The following ZMAT4 variants were observed in gnomAD, a reference collection of about 807,000 sequenced individuals.
ZMAT4 encodes the protein zinc finger matrin-type protein 4.
Under a neutral mutation model 28.7 loss-of-function variants are expected in ZMAT4, and 17 were observed. The ratio of observed to expected loss-of-function variants is 0.59; its 90% CI spans 0.41 to 0.89. The LOEUF (loss-of-function observed/expected upper bound fraction) is 0.89, where lower values mean the gene tolerates loss of function less well. Among genes scored for constraint, ZMAT4 ranks in the 40% least tolerant of loss-of-function variants. The probability of loss-of-function intolerance (pLI) is 0.00; values close to 1 mark genes in which losing one functional copy is unlikely to be tolerated. For missense variants in ZMAT4, 240 were observed against 283.8 expected (o/e 0.85, Z 1.11); for synonymous variants, 117 against 109.2 (o/e 1.07, Z -0.44).
At chr8:40,689,662 G>T (rs1422858356) in intron 4 of ZMAT4, among the ~76,000 whole-genome samples, 2 of 151,828 alleles carry the variant, frequency 1.3e-5, no homozygotes, top group Non-Finnish European at 2.9e-5. Context: ...ATCTTTAATA[G>T]ATGATTCAGG....
intron 3 of ZMAT4, among the ~76,000 whole-genome samples, chr8:40,721,211 G>T (rs1230181651): frequency 2.1e-5 from 3 of 145,368 alleles, no homozygotes; most frequent in African/African-American, 7.8e-5. Flanking sequence ...TCCCACCTAT[G>T]AGTGAGAATA....
chr8:40,591,611 G>GA (rs140623217), intron 5 of ZMAT4, among the ~76,000 whole-genome samples: 1 of 151,994 alleles, frequency 6.6e-6, no homozygotes, highest in South Asian at 2.1e-4. Context: ...AAAAGATGCA[G>GA]AAAAAACAGC....
intron 5 of ZMAT4, among the ~76,000 whole-genome samples, chr8:40,646,609 T>C (rs1807328488): frequency 6.6e-6 from 1 of 152,184 alleles, no homozygotes; most frequent in Non-Finnish European, 1.5e-5. Context: ...TTAATTTGTC[T>C]AGAGGCAAAT....
intron 3 of ZMAT4, among the ~76,000 whole-genome samples, chr8:40,716,678 C>T (rs10095063): frequency 0.45 from 68,322 of 151,852 alleles, 15,758 homozygotes; most frequent in Non-Finnish European, 0.48. Context: ...GGCGACAGAA[C>T]GAGACTGTCT....
chr8:40,866,460 A>C (rs554164632), intron 1 of ZMAT4, among the ~76,000 whole-genome samples: 13 of 152,258 alleles, frequency 8.5e-5, no homozygotes, highest in Non-Finnish European at 1.6e-4. Context: ...CAAACCAAGC[A>C]AAAATCACTT....
At chr8:40,810,322 T>C (rs2150595601) in intron 2 of ZMAT4, among the ~76,000 whole-genome samples, 1 of 152,320 alleles carries the variant, frequency 6.6e-6, no homozygotes, top group South Asian at 2.1e-4. Flanking sequence ...ATACGTGATT[T>C]GTCCCTCTCA....
intron 1 of ZMAT4, among the ~76,000 whole-genome samples, chr8:40,837,249 TC>T: frequency 6.6e-6 from 1 of 152,304 alleles, no homozygotes; most frequent in South Asian, 2.1e-4. Context: ...TGATCTAACC[TC>T]CTCTCCTTCT....
intron 4 of ZMAT4, among the ~76,000 whole-genome samples, chr8:40,690,134 C>T (rs1424766740): frequency 6.6e-6 from 1 of 152,186 alleles, no homozygotes; most frequent in Non-Finnish European, 1.5e-5. Context: ...AAGAATTCAG[C>T]TTACCTCACA....
chr8:40,719,336 G>A (rs1810982920), intron 3 of ZMAT4, among the ~76,000 whole-genome samples: 1 of 152,088 alleles, frequency 6.6e-6, no homozygotes, highest in African/African-American at 2.4e-5. Context: ...CCAGCTACTT[G>A]GGGGCTGAGG....
chr8:40,746,246 T>A (rs1343303773), intron 3 of ZMAT4, among the ~76,000 whole-genome samples: 1 of 53,702 alleles, frequency 1.9e-5, no homozygotes, highest in South Asian at 9.6e-4. Flanking sequence ...CCTCCCTCCC[T>A]CCCTCCCTCC....
At chr8:40,616,170 A>G (rs1022666871) in intron 5 of ZMAT4, among the ~76,000 whole-genome samples, 2 of 152,248 alleles carry the variant, frequency 1.3e-5, no homozygotes, top group African/African-American at 4.8e-5. Context: ...AGAAATGCAA[A>G]TCAAAACCAC....
chr8:40,798,670 T>C (rs963348282), intron 2 of ZMAT4, among the ~76,000 whole-genome samples: 4 of 152,198 alleles, frequency 2.6e-5, no homozygotes, highest in African/African-American at 9.7e-5. Flanking sequence ...ACAAAGTGGA[T>C]AATTCTTACC....
At chr8:40,714,865 A>G (rs1205365883) in intron 3 of ZMAT4, among the ~76,000 whole-genome samples, 1 of 152,006 alleles carries the variant, frequency 6.6e-6, no homozygotes, top group Non-Finnish European at 1.5e-5. Flanking sequence ...CCTGGCCAAC[A>G]TGGTGAAATC....
chr8:40,808,715 G>GA (rs899822423), intron 2 of ZMAT4: 1,092 of 220,090 alleles, frequency 5.0e-3, no homozygotes, highest in South Asian at 0.012. Context: ...TGAAGAGGAA[G>GA]AAAAAAAAAA....
chr8:40,800,860 T>A (rs1018714434), intron 2 of ZMAT4, among the ~76,000 whole-genome samples: 3 of 151,862 alleles, frequency 2.0e-5, no homozygotes, highest in Non-Finnish European at 4.4e-5. Context: ...AGAAAAAAAT[T>A]AAATTCAAAG....
chr8:40,552,406 C>T (rs1803393746), intron 6 of ZMAT4, among the ~76,000 whole-genome samples: 1 of 152,150 alleles, frequency 6.6e-6, no homozygotes, highest in Admixed American at 6.5e-5. Context: ...CAGTTGGTCC[C>T]CTTCCCTTAT....
chr8:40,854,675 G>A (rs1374807928), intron 1 of ZMAT4, among the ~76,000 whole-genome samples: 2 of 152,120 alleles, frequency 1.3e-5, no homozygotes, highest in Non-Finnish European at 2.9e-5. Flanking sequence ...CAAGGTCTCA[G>A]CCCACAGCCT....
chr8:40,800,137 T>A (rs62643261), intron 2 of ZMAT4, among the ~76,000 whole-genome samples: 4,037 of 152,228 alleles, frequency 0.027, 87 homozygotes, highest in South Asian at 0.05. Context: ...AGAAAAGTTA[T>A]CAAGGATAAA....
chr8:40,805,610 T>C (rs1815047486), intron 2 of ZMAT4, among the ~76,000 whole-genome samples: 1 of 139,848 alleles, frequency 7.2e-6, no homozygotes, highest in Admixed American at 7.1e-5. Flanking sequence ...TATGCAGCCA[T>C]AAAAAATGAT....
Sources: gnomAD v4.1 joint callset for allele counts (sites outside exome capture counted in the v4.1 genomes callset) on GRCh38, gnomAD v4.1.1 for gene constraint, MANE v1.5 for transcripts, NCBI Gene and HGNC (gene_info 2026-07-23, HGNC 2026-07-21) for gene names.